Variants in WDFY4 observed in about 807,000 individuals in gnomAD.
The protein encoded by WDFY4 is WDFY family member 4.
Under a neutral mutation model 351.9 loss-of-function variants are expected in WDFY4, and 169 were observed. The observed-to-expected ratio is 0.48, with a 90% CI of 0.42 to 0.55. The LOEUF (loss-of-function observed/expected upper bound fraction) is 0.55. WDFY4 is among the 20% of genes least tolerant of loss of function. The pLI is 0.00. For missense variants in WDFY4, 3,803 were observed against 3,935.6 expected (o/e 0.97, Z 0.90); for synonymous variants, 1,622 against 1,574.6 (o/e 1.03, Z -0.71).
At chr10:48,812,873 C>A (rs2067504637) in intron 30 of WDFY4, among the ~76,000 whole-genome samples, 1 of 152,180 alleles carries the variant, frequency 6.6e-6, no homozygotes, top group African/African-American at 2.4e-5. Flanking sequence ...CTGCTCTGTG[C>A]TCACCCACCC....
chr10:48,752,296 TA>T (rs1469230587), intron 12 of WDFY4, among the ~76,000 whole-genome samples: 1 of 152,262 alleles, frequency 6.6e-6, no homozygotes, highest in Non-Finnish European at 1.5e-5. Flanking sequence ...GTTCTGTTTT[TA>T]AAAAGGTCCT....
intron 39 of WDFY4, among the ~76,000 whole-genome samples, chr10:48,853,503 A>C (rs1319886204): frequency 6.6e-6 from 1 of 152,316 alleles, no homozygotes; most frequent in East Asian, 1.9e-4. Context: ...GGATTCTTCC[A>C]CAATACTGAG....
At chr10:48,947,835 TATGGGCTGCCCTG>T (rs1841126455) in intron 51 of WDFY4, among the ~76,000 whole-genome samples, 5 of 151,880 alleles carry the variant, frequency 3.3e-5, no homozygotes. Flanking sequence ...GCACAGGGAG[TATGGGCTGCCCTG>T]ATCCAGACCC....
chr10:48,898,608 G>C (rs1298048752), intron 45 of WDFY4, among the ~76,000 whole-genome samples: 1 of 152,138 alleles, frequency 6.6e-6, no homozygotes, highest in African/African-American at 2.4e-5. Context: ...TGAAGCTCAG[G>C]GTGGCCTTTA....
At chr10:48,933,983 C>A (rs755333359) in intron 47 of WDFY4, among the ~76,000 whole-genome samples, 6 of 152,134 alleles carry the variant, frequency 3.9e-5, no homozygotes, top group Non-Finnish European at 7.3e-5. Context: ...CAGACAACCA[C>A]AGGGCTCAGG....
intron 3 of WDFY4, 31 bp from the exon 4 acceptor site, chr10:48,721,230 T>A (rs1341781022): frequency 6.5e-6 from 10 of 1,542,232 alleles, no homozygotes; most frequent in Non-Finnish European, 8.8e-6. Context: ...GGCAGGTCGC[T>A]GTATGCCCTG....
chr10:48,793,317 C>T (rs1291848094), intron 23 of WDFY4, among the ~76,000 whole-genome samples: 1 of 152,166 alleles, frequency 6.6e-6, no homozygotes, highest in Non-Finnish European at 1.5e-5. Flanking sequence ...GTTTATTGTA[C>T]ACTTACACAT....
chr10:48,765,776 CA>C (rs1347433359), intron 13 of WDFY4, among the ~76,000 whole-genome samples: 4 of 152,170 alleles, frequency 2.6e-5, no homozygotes, highest in Non-Finnish European at 5.9e-5. Flanking sequence ...CAGGCCAGGA[CA>C]TTAGAGAGAC....
chr10:48,692,608 CA>C (rs2063224592), intron 1 of WDFY4, among the ~76,000 whole-genome samples: 1 of 152,150 alleles, frequency 6.6e-6, no homozygotes, highest in Non-Finnish European at 1.5e-5. Context: ...TCATGAATAA[CA>C]ATGACATTAA....
At chr10:48,827,731 C>T (rs2068052814) in intron 36 of WDFY4, among the ~76,000 whole-genome samples, 1 of 151,592 alleles carries the variant, frequency 6.6e-6, no homozygotes, top group Non-Finnish European at 1.5e-5. Flanking sequence ...AACAATCCCC[C>T]ACATCCTGTA....
intron 17 of WDFY4, 22 bp from the exon 18 acceptor site, chr10:48,778,589 G>A (rs1281156868): frequency 3.9e-6 from 6 of 1,547,044 alleles, no homozygotes; most frequent in Middle Eastern, 2.0e-4. Flanking sequence ...AAGCCTGAGG[G>A]CATGCCTGTG....
At chr10:48,941,290 A>G (rs1338448643) in intron 47 of WDFY4, among the ~76,000 whole-genome samples, 1 of 152,130 alleles carries the variant, frequency 6.6e-6, no homozygotes, top group East Asian at 1.9e-4. Flanking sequence ...AACAAACAAC[A>G]AAAAAAACTA....
At chr10:48,974,215 T>A (rs1220780737) in intron 57 of WDFY4, among the ~76,000 whole-genome samples, 1 of 151,994 alleles carries the variant, frequency 6.6e-6, no homozygotes, top group Non-Finnish European at 1.5e-5. Flanking sequence ...AATCGTAACA[T>A]GAACTGGCCA....
chr10:48,933,653 C>A (rs1298817796), intron 47 of WDFY4, among the ~76,000 whole-genome samples: 1 of 152,108 alleles, frequency 6.6e-6, no homozygotes, highest in African/African-American at 2.4e-5. Flanking sequence ...GTTCTAGGGG[C>A]TGAGATGAGT....
chr10:48,929,352 G>A (rs1839847989), intron 47 of WDFY4, among the ~76,000 whole-genome samples: 2 of 152,220 alleles, frequency 1.3e-5, no homozygotes, highest in Non-Finnish European at 2.9e-5. Context: ...GGGTTGCACT[G>A]GGCTGGTCTC....
intron 47 of WDFY4, among the ~76,000 whole-genome samples, chr10:48,927,272 G>A (rs1839651019): frequency 1.3e-5 from 2 of 152,076 alleles, no homozygotes; most frequent in Non-Finnish European, 2.9e-5. Flanking sequence ...ATGCTAAGAG[G>A]TACATCATGC....
intron 23 of WDFY4, among the ~76,000 whole-genome samples, chr10:48,795,528 TATATATACAC>T (rs1460793327): frequency 0.08 from 7,163 of 89,504 alleles, 341 homozygotes; most frequent in East Asian, 0.18. Context: ...TATATACATA[TATATATACAC>T]ACACATGAAT....
At chr10:48,873,380 T>G in intron 40 of WDFY4, 111 bp from the exon 41 acceptor site, 1 of 1,234,672 alleles carries the variant, frequency 8.1e-7, no homozygotes, top group South Asian at 1.6e-5. Context: ...GAAGGTATCT[T>G]TCTCAAACAT....
rs575630696 is a variant in WDFY4 at position 48,715,099 on chromosome 10, G to A, written c.235-4912G>A. Among the ~76,000 whole-genome samples the A allele has an allele frequency of 2.1e-3, 319 of 152,358 alleles. 1 individual carries two copies. Among genetic ancestry groups the A allele is most frequent in the Non-Finnish European group, 3.2e-3 (221 of 68,030 alleles). The stretch of plus-strand genomic sequence containing the variant: ...TCTGAGTGAACACCTGTGTGGAGAG[G>A]ATCCAAGGCCCTGACCTTGAGGCTG... On this transcript the variant is annotated intron_variant, in intron 2 of 61. Transcript: ENST00000325239.
Sources: allele counts gnomAD v4.1 joint callset (sites outside exome capture counted in the v4.1 genomes callset), GRCh38; gene constraint gnomAD v4.1.1; transcripts MANE v1.5; gene names NCBI Gene and HGNC (gene_info 2026-07-23, HGNC 2026-07-21).